TEX2: variants seen among roughly 807,000 people sequenced by gnomAD.
The protein encoded by TEX2 is testis expressed 2.
TEX2 carries 53 observed loss-of-function variants against 106.9 expected under a neutral mutation model. The observed-to-expected ratio is 0.50, with a 90% CI of 0.40 to 0.62. The LOEUF (loss-of-function observed/expected upper bound fraction) is 0.62. Ranked by LOEUF, TEX2 falls within the 20% of genes least tolerant of loss-of-function variation. TEX2 has a pLI of 0.00. For synonymous variants in TEX2, 523 were observed against 534.8 expected (o/e 0.98, Z 0.30); for missense variants, 1,207 against 1,379.0 (o/e 0.88, Z 1.98).
At chr17:64,214,704 T>C (rs1030250341) in intron 1 of TEX2, among the ~76,000 whole-genome samples, 2 of 152,202 alleles carry the variant, frequency 1.3e-5, no homozygotes, top group African/African-American at 4.8e-5. Context: ...AGGAGGGGTA[T>C]TGCGTTCACT....
chr17:64,188,153 A>G lies in TEX2; in HGVS notation c.2424+15T>C, dbSNP rs762381164. 76 of 1,600,462 alleles carry G rather than the reference A, an allele frequency of 4.7e-5. 3 individuals are homozygous for G. The South Asian group carries it at 7.9e-4, about 17-fold the overall frequency. On this transcript the variant is annotated intron_variant, in intron 5 of 11. Transcript: ENST00000584379. Reference sequence around the variant, plus strand: ...TCGAAAAGTGAAAAAGGTCCGGCCCAGCAGCCAGCTTTACCTTCTTCCCAG... The same window carrying G: ...TCGAAAAGTGAAAAAGGTCCGGCCCGGCAGCCAGCTTTACCTTCTTCCCAG...
intron 8 of TEX2, among the ~76,000 whole-genome samples, chr17:64,159,287 T>C (rs2030775969): frequency 1.3e-5 from 2 of 152,210 alleles, no homozygotes; most frequent in Non-Finnish European, 1.5e-5. Flanking sequence ...CTGAGGTTGC[T>C]CTGCCACACT....
At position 64,193,626 on chromosome 17, in the gene TEX2, T is replaced by C. The variant is rs2032371288; in HGVS notation, c.2109A>G (p.Arg703=). 6.7e-7 allele frequency: 1 copy of C among 1,482,164 alleles called. No individual in the cohort carries two copies. Among genetic ancestry groups the C allele is most frequent in the South Asian group, 1.4e-5 (1 of 70,760 alleles). 91.8% of individuals were successfully genotyped at this position (1,482,164 alleles called of 1,614,324 possible). Residue 703 remains arginine (R), a synonymous_variant, in exon 4 of 12, where the codon AGA becomes AGG. Coordinates refer to ENST00000584379, the MANE Select transcript of TEX2 (RefSeq NM_001288732.2). Reference sequence around the variant, plus strand: ...ACTTTAGCTTAGATGCCAGAATAAATCTCCTAAACCATTCCTCTTTTTCTC... The same window carrying C: ...ACTTTAGCTTAGATGCCAGAATAAACCTCCTAAACCATTCCTCTTTTTCTC... ...TGREKEEWFR[R]FILASKLKSE...
intron 11 of TEX2, 127 bp downstream of exon 11, chr17:64,150,714 T>G: frequency 9.8e-7 from 1 of 1,021,114 alleles, no homozygotes; most frequent in Non-Finnish European, 1.4e-6. Flanking sequence ...AATGTAATAC[T>G]CTTCCGGGAT....
At position 64,177,490 on chromosome 17, in the gene TEX2, C is replaced by A; in HGVS notation, c.2425-19G>T. ...CTGGCAACTGGCAAAAGAAAAGGGA[C>A]CAAAATTAGCTAGAAAGCAACTGGA... On this transcript the variant is annotated intron_variant, in intron 5 of 11. Transcript: ENST00000584379. 6.2e-7 allele frequency: 1 copy of A among 1,609,178 alleles called. No individual in the cohort carries two copies.
intron 10 of TEX2, among the ~76,000 whole-genome samples, chr17:64,152,557 T>C (rs1411320756): frequency 6.6e-6 from 1 of 152,170 alleles, no homozygotes; most frequent in Non-Finnish European, 1.5e-5. Context: ...AACAGGATGC[T>C]ATGAGGACTA....
At chr17:64,215,990 T>C (rs2033175704) in intron 1 of TEX2, among the ~76,000 whole-genome samples, 3 of 152,184 alleles carry the variant, frequency 2.0e-5, no homozygotes, top group Non-Finnish European at 4.4e-5. Flanking sequence ...AGCTGCAACA[T>C]GGACTCAAGC....
rs748599308 is a variant in TEX2, at chr17:64,177,514, G to C, written c.2425-43C>G. On this transcript the variant is annotated intron_variant, in intron 5 of 11. Transcript: ENST00000584379. ...ACCAAAATTAGCTAGAAAGCAACTG[G>C]AGAATAAGACAGGTGCTTATTTTTA... The C allele has an allele frequency of 3.7e-6, 6 of 1,602,822 alleles. No individual in the cohort carries two copies. In the East Asian group the frequency reaches 1.3e-4, roughly 36 times the overall value.
intron 1 of TEX2, among the ~76,000 whole-genome samples, chr17:64,226,544 T>C (rs1225135321): frequency 1.3e-5 from 2 of 152,176 alleles, no homozygotes; most frequent in Non-Finnish European, 2.9e-5. Context: ...AGGTCTTTCT[T>C]TAATGGTCAA....
chr17:64,186,914 G>C (rs1186459780), intron 5 of TEX2, among the ~76,000 whole-genome samples: 1 of 152,222 alleles, frequency 6.6e-6, no homozygotes, highest in Non-Finnish European at 1.5e-5. Context: ...GTGCAAAGTA[G>C]AGGCAGGAGG....
At chr17:64,259,820 T>C (rs1048780486) in intron 1 of TEX2, among the ~76,000 whole-genome samples, 1 of 152,218 alleles carries the variant, frequency 6.6e-6, no homozygotes, top group Non-Finnish European at 1.5e-5. Context: ...TCTAAGACCA[T>C]TGACTATAAG....
rs142741186 is a variant in TEX2 at position 64,175,132 on chromosome 17, T to C, written c.2571+2193A>G. Among the ~76,000 whole-genome samples the C allele has an allele frequency of 2.2e-3, 340 of 152,310 alleles. 2 individuals are homozygous for C. Among genetic ancestry groups the C allele is most frequent in the African/African-American group, 7.8e-3 (324 of 41,560 alleles). ...CTTAAGGCTTAGTTCCTCCCAGGGG[T>C]ACTTGGATATTTGGTGGCAATCAGT... On this transcript the variant is annotated intron_variant, in intron 6 of 11. Coordinates refer to ENST00000584379, the MANE Select transcript of TEX2 (RefSeq NM_001288732.2).
chr17:64,168,928 T>G, intron 7 of TEX2, among the ~76,000 whole-genome samples: 1 of 100,582 alleles, frequency 9.9e-6, no homozygotes, highest in Admixed American at 1.3e-4. Context: ...TTGAGACAGA[T>G]TCTCGCTCTG....
At chr17:64,170,447 T>C (rs1375839763) in intron 7 of TEX2, among the ~76,000 whole-genome samples, 1 of 152,010 alleles carries the variant, frequency 6.6e-6, no homozygotes, top group Non-Finnish European at 1.5e-5. Context: ...GTGAGGGCCA[T>C]GAGAGGTGAG....
intron 8 of TEX2, 23 bp from the exon 9 acceptor site, chr17:64,154,990 C>T: frequency 6.5e-7 from 1 of 1,542,678 alleles, no homozygotes; most frequent in Non-Finnish European, 8.7e-7. Flanking sequence ...AGAGTCACCA[C>T]CACTGCCTGC....
In TEX2 at chr17:64,169,279, T is replaced by A. The variant is rs184469368; in HGVS notation, c.2671+1821A>T. On this transcript the variant is annotated intron_variant, in intron 7 of 11. Coordinates refer to ENST00000584379, the MANE Select transcript of TEX2 (RefSeq NM_001288732.2). ...GTCTTGAACTCCTGGTCTCAAGTGA[T>A]CTACCTGCCTTGGCCTTTAAAAGTG... Among the ~76,000 whole-genome samples, 16 of 152,300 alleles carry A rather than the reference T, an allele frequency of 1.1e-4. 1 individual carries two copies. The highest frequency in any genetic ancestry group is 8.5e-4 in the Admixed American group (13 of 15,306).
At chr17:64,214,292 G>A in intron 1 of TEX2, 50 bp from the exon 2 acceptor site, 1 of 1,485,178 alleles carries the variant, frequency 6.7e-7, no homozygotes, top group Non-Finnish European at 9.2e-7. Context: ...TTCTCCACAG[G>A]AGACGCTGTC....
rs1176609350 is a variant in TEX2 at position 64,161,146 on chromosome 17, G to C, written c.2672-213C>G. Among the ~76,000 whole-genome samples the C allele has an allele frequency of 3.3e-5, 5 of 152,128 alleles. No individual in the cohort carries two copies. The East Asian group carries it at 5.8e-4, about 18-fold the overall frequency. On this transcript the variant is annotated intron_variant, in intron 7 of 11. Transcript: ENST00000584379. ...ACATCGAGCCCCTGGTAAACAGCCA[G>C]CATCTGAGGACCCATTCACAGGATC... is the stretch of plus-strand genomic sequence containing the variant.
Position 64,171,086 on chromosome 17 carries a change from C to A in TEX2, c.2671+14G>T. ...TATATTTTAACACTCATAGAATGGT[C>A]AGTTAGGAGTTACCTTGGTGATCAA... On this transcript the variant is annotated intron_variant, in intron 7 of 11. Coordinates refer to ENST00000584379, the MANE Select transcript of TEX2 (RefSeq NM_001288732.2). 2 of 1,602,924 alleles carry A rather than the reference C, an allele frequency of 1.2e-6. No homozygotes were observed. Among genetic ancestry groups the A allele is most frequent in the South Asian group, 2.2e-5 (2 of 90,728 alleles).
Sources: allele counts gnomAD v4.1 joint callset (sites outside exome capture counted in the v4.1 genomes callset), GRCh38; gene constraint gnomAD v4.1.1; transcripts MANE v1.5; gene names NCBI Gene and HGNC (gene_info 2026-07-23, HGNC 2026-07-21).